Variants in FHIT observed in about 807,000 individuals in gnomAD.
The protein encoded by FHIT is bis(5'-adenosyl)-triphosphatase.
A neutral mutation model predicts 17.9 loss-of-function variants in FHIT; 19 were observed. That is an observed-to-expected ratio of 1.06 (90% CI 0.74 to 1.56). The LOEUF (loss-of-function observed/expected upper bound fraction) is 1.56, where lower values mean the gene tolerates loss of function less well. Among genes scored for constraint, FHIT ranks in the 40% most tolerant of loss-of-function variants. The pLI, the probability that FHIT is intolerant of heterozygous loss-of-function variation, is 0.00. For synonymous variants in FHIT, 81 were observed against 69.7 expected (o/e 1.16, Z -0.81); for missense variants, 248 against 189.2 (o/e 1.31, Z -1.82).
intron 2 of FHIT, among the ~76,000 whole-genome samples, chr3:61,108,636 A>G (rs189005805): frequency 6.6e-6 from 1 of 152,340 alleles, no homozygotes; most frequent in Non-Finnish European, 1.5e-5. Flanking sequence ...TAGATATTAC[A>G]GTCTGATCTT....
intron 8 of FHIT, among the ~76,000 whole-genome samples, chr3:59,771,058 GT>G (rs1354292268): frequency 1.3e-5 from 2 of 152,184 alleles, no homozygotes; most frequent in African/African-American, 2.4e-5. Flanking sequence ...CTGCACTCTA[GT>G]TTTGGAGGGC....
chr3:60,389,231 A>G (rs1701129795), intron 5 of FHIT, among the ~76,000 whole-genome samples: 1 of 152,158 alleles, frequency 6.6e-6, no homozygotes, highest in Non-Finnish European at 1.5e-5. Context: ...ACTCTGGAGC[A>G]AGGGCCTACC....
chr3:60,810,738 T>C (rs530412692), intron 4 of FHIT, among the ~76,000 whole-genome samples: 2 of 124,592 alleles, frequency 1.6e-5, no homozygotes, highest in African/African-American at 6.6e-5. Flanking sequence ...AATATAGATA[T>C]TTAAAGTTCT....
chr3:60,500,355 G>A (rs752902129), intron 5 of FHIT, among the ~76,000 whole-genome samples: 7 of 152,108 alleles, frequency 4.6e-5, no homozygotes, highest in African/African-American at 7.2e-5. Flanking sequence ...ATAAAGTACA[G>A]TCATTGCTTT....
intron 5 of FHIT, among the ~76,000 whole-genome samples, chr3:60,099,900 A>G (rs970507410): frequency 5.3e-5 from 8 of 152,192 alleles, no homozygotes; most frequent in African/African-American, 1.7e-4. Flanking sequence ...AGCAGATATT[A>G]AAGTATTTTT....
intron 5 of FHIT, among the ~76,000 whole-genome samples, chr3:60,114,419 A>G (rs1360274493): frequency 2.0e-5 from 3 of 150,450 alleles, no homozygotes; most frequent in African/African-American, 7.3e-5. Context: ...TGTTTCTTGT[A>G]AACAGGCAAT....
chr3:60,825,561 CG>C (rs111508576), intron 3 of FHIT, among the ~76,000 whole-genome samples: 7,470 of 152,148 alleles, frequency 0.049, 226 homozygotes, highest in South Asian at 0.11. Flanking sequence ...GGTGGGCAAG[CG>C]AGCATTACCG....
intron 3 of FHIT, among the ~76,000 whole-genome samples, chr3:60,951,384 T>C (rs1255195055): frequency 2.0e-5 from 3 of 152,236 alleles, no homozygotes; most frequent in Admixed American, 1.3e-4. Context: ...TTTCGAGTCA[T>C]GGAACACTTA....
chr3:60,842,829 A>T (rs1237493567), intron 3 of FHIT, among the ~76,000 whole-genome samples: 1 of 151,776 alleles, frequency 6.6e-6, no homozygotes, highest in Non-Finnish European at 1.5e-5. Context: ...GCAGAGGATC[A>T]CCCGTACTAC....
At chr3:60,667,450 A>G (rs1192136395) in intron 4 of FHIT, among the ~76,000 whole-genome samples, 1 of 152,028 alleles carries the variant, frequency 6.6e-6, no homozygotes, top group Non-Finnish European at 1.5e-5. Context: ...TTTTATTTCT[A>G]GAATTTTTAT....
chr3:60,079,336 T>A (rs1278950512), intron 5 of FHIT, among the ~76,000 whole-genome samples: 1 of 152,166 alleles, frequency 6.6e-6, no homozygotes, highest in African/African-American at 2.4e-5. Flanking sequence ...AATGTGTTTC[T>A]ACACAATTGA....
Position 59,753,743 on chromosome 3 carries a change from C to T in FHIT, c.349-1422G>A, listed in dbSNP as rs149577598. ...TCCTTACAATAACTCATAAAACTGA[C>T]GCTACTTAACCCCATGTTACTGTGG... On this transcript the variant is annotated intron_variant, in intron 8 of 9. Coordinates refer to ENST00000492590, the MANE Select transcript of FHIT (RefSeq NM_002012.4). 1.6e-4 allele frequency among the ~76,000 whole-genome samples: 24 copies of T among 152,250 alleles called. No individual in the cohort carries two copies. The East Asian group carries it at 2.5e-3, about 16-fold the overall frequency.
At chr3:60,125,461 A>G (rs778611344) in intron 5 of FHIT, among the ~76,000 whole-genome samples, 8 of 151,888 alleles carry the variant, frequency 5.3e-5, no homozygotes, top group Non-Finnish European at 7.4e-5. Flanking sequence ...GTGAAACCCC[A>G]TCTCTACTAA....
At chr3:60,488,730 T>C (rs542985892) in intron 5 of FHIT, among the ~76,000 whole-genome samples, 2 of 152,288 alleles carry the variant, frequency 1.3e-5, no homozygotes, top group South Asian at 4.1e-4. Flanking sequence ...AAGCCCTATA[T>C]TCAGGCAGCT....
chr3:61,049,875 G>A (rs1163621494), intron 2 of FHIT, among the ~76,000 whole-genome samples: 6 of 152,022 alleles, frequency 3.9e-5, no homozygotes, highest in Non-Finnish European at 8.8e-5. Flanking sequence ...CATTTTAGAG[G>A]TGCCCTCCTT....
chr3:59,816,209 G>A (rs934983590), intron 8 of FHIT, among the ~76,000 whole-genome samples: 7 of 152,168 alleles, frequency 4.6e-5, no homozygotes, highest in Admixed American at 3.9e-4. Context: ...CTATGTAAAT[G>A]GGGACAGTGA....
chr3:60,309,080 A>G (rs1229129463), intron 5 of FHIT, among the ~76,000 whole-genome samples: 2 of 152,132 alleles, frequency 1.3e-5, no homozygotes, highest in African/African-American at 4.8e-5. Flanking sequence ...GATAATTGAC[A>G]GTTGTTTCCC....
intron 4 of FHIT, among the ~76,000 whole-genome samples, chr3:60,737,223 A>C (rs782775839): frequency 2.0e-5 from 3 of 152,210 alleles, no homozygotes; most frequent in Non-Finnish European, 4.4e-5. Flanking sequence ...AATAAACTAC[A>C]TTATGAGCCG....
At chr3:60,672,874 C>CGTGTGTGTGTGTGTGTGTGTGTGT (rs71629109) in intron 4 of FHIT, among the ~76,000 whole-genome samples, 2 of 139,478 alleles carry the variant, frequency 1.4e-5, no homozygotes, top group African/African-American at 5.3e-5. Flanking sequence ...CTCTTTGTAG[C>CGTGTGTGTGTGTGTGTGTGTGTGT]GTGTGTGTGT....
Sources: gnomAD v4.1 joint callset for allele counts (sites outside exome capture counted in the v4.1 genomes callset) on GRCh38, gnomAD v4.1.1 for gene constraint, MANE v1.5 for transcripts, NCBI Gene and HGNC (gene_info 2026-07-23, HGNC 2026-07-21) for gene names.